PBX1: variants seen among roughly 807,000 people sequenced by gnomAD.
PBX1 encodes pre-B-cell leukemia transcription factor 1.
Under a neutral mutation model 53.4 loss-of-function variants are expected in PBX1, and 6 were observed. That is an observed-to-expected ratio of 0.11 (90% CI 0.06 to 0.22). The LOEUF is 0.22. Among genes scored for constraint, PBX1 ranks in the 10% least tolerant of loss-of-function variants. The pLI is 1.00. For missense variants in PBX1, 251 were observed against 551.4 expected (o/e 0.46, Z 5.46); for synonymous variants, 204 against 212.3 (o/e 0.96, Z 0.34).
Position 164,588,490 on chromosome 1 carries a change from TTTTTTTTTTTA to T in PBX1, c.265+25180_265+25190del, listed in dbSNP as rs1392579885. On this transcript the variant is annotated intron_variant, in intron 2 of 8. Transcript: ENST00000420696. ...GGACTAAGCTTTTTTTTTTTTTTTTTTTTTTTTTTTAGTTTCGAAGCATATGGTGAAGTGTG... is the reference window on the plus strand; with the variant it reads ...GGACTAAGCTTTTTTTTTTTTTTTTTGTTTCGAAGCATATGGTGAAGTGTG... 4.3e-4 allele frequency among the ~76,000 whole-genome samples: 57 copies of T among 133,324 alleles called. 1 individual carries two copies. Among genetic ancestry groups the T allele is most frequent in the Non-Finnish European group, 6.9e-4 (44 of 64,026 alleles). 87.5% of individuals were successfully genotyped at this position (133,324 alleles called of 152,430 possible). A position where few individuals can be genotyped will look rare whatever the true frequency, so the allele number is the denominator to read the frequency against.
intron 2 of PBX1, among the ~76,000 whole-genome samples, chr1:164,708,478 C>T (rs1000093463): frequency 6.6e-6 from 1 of 152,066 alleles, no homozygotes; most frequent in Non-Finnish European, 1.5e-5. Context: ...GGGGTTTGGG[C>T]TTCTATTGAA....
chr1:164,562,648 C>T (rs1653146483), intron 1 of PBX1, among the ~76,000 whole-genome samples: 2 of 152,170 alleles, frequency 1.3e-5, no homozygotes, highest in South Asian at 4.1e-4. Flanking sequence ...ATTTATTCCC[C>T]ATATGGGTAT....
In PBX1 at chr1:164,799,755, C is replaced by G; in HGVS notation, c.567C>G (p.Thr189=). The change falls in exon 4 of 9, where the codon ACC becomes ACG. Residue 189 remains threonine (T), a synonymous_variant. Transcript: ENST00000420696. The part of the protein sequence containing the change: ...VMNLLREQSR[T]RPISPKEIER... ...ATCTCCTGCGAGAGCAAAGCCGGAC[C>G]AGGCCCATCTCCCCAAAGGAGATTG... The G allele has an allele frequency of 2.5e-6, 4 of 1,614,114 alleles. No homozygotes were observed. Among genetic ancestry groups the G allele is most frequent in the Non-Finnish European group, 3.4e-6 (4 of 1,179,992 alleles).
chr1:164,806,231 A>G (rs1342420524), intron 4 of PBX1, among the ~76,000 whole-genome samples: 1 of 152,206 alleles, frequency 6.6e-6, no homozygotes, highest in African/African-American at 2.4e-5. Context: ...GTCAGGAAGC[A>G]ATAAAGTGAT....
At chr1:164,762,094 G>A (rs773257188) in intron 2 of PBX1, among the ~76,000 whole-genome samples, 16 of 152,086 alleles carry the variant, frequency 1.1e-4, no homozygotes, top group Non-Finnish European at 2.4e-4. Context: ...ACACCTGTGG[G>A]CTCAACATTG....
chr1:164,775,417 G>A (rs1667595894), intron 2 of PBX1, among the ~76,000 whole-genome samples: 1 of 152,160 alleles, frequency 6.6e-6, no homozygotes, highest in South Asian at 2.1e-4. Flanking sequence ...AGATTGAAGA[G>A]TGCCCGACCA....
chr1:164,828,340 A>C (rs1244608516), intron 8 of PBX1: 2 of 152,148 alleles, frequency 1.3e-5, no homozygotes, highest in Admixed American at 1.3e-4. Flanking sequence ...TCAGTTTCTC[A>C]TGATAGGACT....
intron 2 of PBX1, among the ~76,000 whole-genome samples, chr1:164,716,685 T>TACACACACAC (rs375539653): frequency 0.03 from 3,516 of 115,782 alleles, 89 homozygotes; most frequent in African/African-American, 0.046. Flanking sequence ...ATGTCATCTC[T>TACACACACAC]ACACACACAC....
chr1:164,800,483 C>T (rs1173889340), intron 4 of PBX1, among the ~76,000 whole-genome samples: 1 of 152,210 alleles, frequency 6.6e-6, no homozygotes, highest in Non-Finnish European at 1.5e-5. Context: ...CATGTCCTTA[C>T]TTGTGAGTTC....
rs1672749671 is a variant in PBX1, at chr1:164,885,167, G to A, written n.258-14021G>A. 2.0e-5 allele frequency among the ~76,000 whole-genome samples: 3 copies of A among 152,268 alleles called. No individual in the cohort carries two copies. In the South Asian group the frequency reaches 6.2e-4, roughly 32 times the overall value. On this transcript the variant is annotated intron_variant and non_coding_transcript_variant, in intron 2 of 2. Coordinates refer to the PBX1 transcript ENST00000558796. The stretch of plus-strand genomic sequence containing the variant: ...CAAGATCACATAGCTACAAAAGTGT[G>A]GGGCCTGTTTTCAGGTTTAGATGTA...
intron 2 of PBX1, chr1:164,641,102 G>C (rs956754575): frequency 6.5e-6 from 1 of 152,878 alleles, no homozygotes; most frequent in Non-Finnish European, 1.5e-5. Context: ...TTAAGGCAGT[G>C]GTTCTAAAAT....
At chr1:164,734,898 T>A (rs2102148146) in intron 2 of PBX1, among the ~76,000 whole-genome samples, 1 of 152,284 alleles carries the variant, frequency 6.6e-6, no homozygotes, top group African/African-American at 2.4e-5. Flanking sequence ...AAAGAGATAA[T>A]ATTATGACTT....
intron 2 of PBX1, among the ~76,000 whole-genome samples, chr1:164,687,869 GA>G (rs1272257327): frequency 1.3e-5 from 2 of 152,152 alleles, no homozygotes; most frequent in East Asian, 1.9e-4. Flanking sequence ...AAATAACTTT[GA>G]TAAGAACCAG....
intron 2 of PBX1, among the ~76,000 whole-genome samples, chr1:164,579,090 G>A (rs568124544): frequency 1.2e-4 from 19 of 152,168 alleles, no homozygotes; most frequent in Admixed American, 2.6e-4. Context: ...TAAGCTACAT[G>A]GTCTGCTTCT....
At chr1:164,587,509 C>CT (rs1359911579) in intron 2 of PBX1, among the ~76,000 whole-genome samples, 2 of 151,800 alleles carry the variant, frequency 1.3e-5, no homozygotes, top group African/African-American at 4.8e-5. Context: ...TTATCTGCCT[C>CT]TTTGTTGTTA....
intron 2 of PBX1, among the ~76,000 whole-genome samples, chr1:164,790,129 G>C: frequency 6.6e-6 from 1 of 152,282 alleles, no homozygotes; most frequent in South Asian, 2.1e-4. Flanking sequence ...GGTGCCTTTA[G>C]GGCCTGGTAT....
At chr1:164,578,341 A>C (rs1392386960) in intron 2 of PBX1, among the ~76,000 whole-genome samples, 1 of 152,200 alleles carries the variant, frequency 6.6e-6, no homozygotes, top group African/African-American at 2.4e-5. Context: ...TATCTTCCAC[A>C]GGTTGTATAG....
intron 1 of PBX1, among the ~76,000 whole-genome samples, chr1:164,562,468 C>CACACACAT (rs1653127036): frequency 6.6e-6 from 1 of 151,576 alleles, no homozygotes; most frequent in Non-Finnish European, 1.5e-5. Context: ...CACACACACA[C>CACACACAT]ACACACACAC....
At chr1:164,694,699 C>T (rs928288888) in intron 2 of PBX1, among the ~76,000 whole-genome samples, 1 of 152,170 alleles carries the variant, frequency 6.6e-6, no homozygotes, top group Non-Finnish European at 1.5e-5. Flanking sequence ...AGACTTTAAC[C>T]TTTTTCTATG....
Sources: allele counts gnomAD v4.1 joint callset (sites outside exome capture counted in the v4.1 genomes callset), GRCh38; gene constraint gnomAD v4.1.1; transcripts MANE v1.5; gene names NCBI Gene and HGNC (gene_info 2026-07-23, HGNC 2026-07-21).